Variants in DYM observed in about 807,000 individuals in gnomAD.
DYM encodes the protein dyggve-Melchior-Clausen syndrome protein.
DYM carries 78 observed loss-of-function variants against 93.1 expected under a neutral mutation model. The ratio of observed to expected loss-of-function variants is 0.84; its 90% CI spans 0.70 to 1.01. The LOEUF (loss-of-function observed/expected upper bound fraction) is 1.01, where lower values mean the gene tolerates loss of function less well. Ranked by LOEUF, DYM falls within the 50% of genes least tolerant of loss-of-function variation. The pLI, the probability that DYM is intolerant of heterozygous loss-of-function variation, is 0.00. For missense variants in DYM, 789 were observed against 845.0 expected, an observed-to-expected ratio of 0.93 and a Z score of 0.82; for synonymous variants, 321 against 319.7, an observed-to-expected ratio of 1.00 and a Z score of -0.04.
At chr18:49,399,409 A>G (rs774365160) in intron 2 of DYM, among the ~76,000 whole-genome samples, 6 of 152,194 alleles carry the variant, frequency 3.9e-5, no homozygotes, top group Non-Finnish European at 7.3e-5. Context: ...ACAAAGCTGG[A>G]AAAGTATTCT....
At chr18:49,323,322 T>C (rs1460845013) in intron 8 of DYM, among the ~76,000 whole-genome samples, 1 of 152,174 alleles carries the variant, frequency 6.6e-6, no homozygotes, top group East Asian at 1.9e-4. Context: ...AGCTGAAAGG[T>C]ACCTTAGATG....
At chr18:49,249,682 G>A (rs778555751) in intron 13 of DYM, among the ~76,000 whole-genome samples, 2 of 151,672 alleles carry the variant, frequency 1.3e-5, no homozygotes, top group African/African-American at 2.4e-5. Flanking sequence ...AAAAATGCTG[G>A]GTGATTAAAA....
chr18:49,338,717 G>C (rs1295136107), intron 6 of DYM, among the ~76,000 whole-genome samples: 2 of 152,096 alleles, frequency 1.3e-5, no homozygotes, highest in Non-Finnish European at 2.9e-5. Flanking sequence ...ATTTCATAAT[G>C]ACAGATCCCT....
chr18:49,215,732 A>C lies in DYM; in HGVS notation c.1461-6017T>G, dbSNP rs375983297. Among the ~76,000 whole-genome samples, 28 of 152,376 alleles carry C rather than the reference A, an allele frequency of 1.8e-4. No individual in the cohort carries two copies. The South Asian group carries it at 4.1e-3, about 23-fold the overall frequency. Reference sequence around the variant, plus strand: ...TGAAAACTAAAACAAATTTAATTGCATCTCAAGTGGTAATGAAACTACACA... The same window carrying C: ...TGAAAACTAAAACAAATTTAATTGCCTCTCAAGTGGTAATGAAACTACACA... On this transcript the variant is annotated intron_variant, in intron 13 of 17. Transcript: ENST00000675505.
At chr18:49,104,100 T>A (rs1374168965) in intron 16 of DYM, among the ~76,000 whole-genome samples, 2 of 152,190 alleles carry the variant, frequency 1.3e-5, no homozygotes, top group Non-Finnish European at 2.9e-5. Flanking sequence ...AGCAGTGGTT[T>A]GTAGTTCTCC....
intron 1 of DYM, among the ~76,000 whole-genome samples, chr18:49,443,914 T>C (rs2081887768): frequency 6.6e-6 from 1 of 152,190 alleles, no homozygotes; most frequent in Non-Finnish European, 1.5e-5. Context: ...ACTCTTTCCA[T>C]GAAAACAGTG....
At chr18:49,128,852 A>G (rs1201587040) in intron 15 of DYM, among the ~76,000 whole-genome samples, 1 of 152,142 alleles carries the variant, frequency 6.6e-6, no homozygotes, top group Admixed American at 6.6e-5. Context: ...TTTGTAAGTA[A>G]AAATGCACAA....
intron 16 of DYM, among the ~76,000 whole-genome samples, chr18:49,101,175 T>C (rs1281019734): frequency 1.3e-5 from 2 of 152,316 alleles, no homozygotes; most frequent in East Asian, 3.9e-4. Context: ...TTTATTCCTC[T>C]GAAAATCTCT....
intron 9 of DYM, among the ~76,000 whole-genome samples, chr18:49,285,736 C>T (rs1261074183): frequency 6.6e-6 from 1 of 152,234 alleles, no homozygotes; most frequent in African/African-American, 2.4e-5. Context: ...TTGAGCAGCA[C>T]TTGACTATAC....
intron 8 of DYM, among the ~76,000 whole-genome samples, chr18:49,310,451 G>A (rs924038546): frequency 2.6e-4 from 39 of 150,596 alleles, no homozygotes; most frequent in Non-Finnish European, 5.2e-4. Flanking sequence ...AGATGCCCCC[G>A]CATGTGTAAA....
At chr18:49,421,055 G>A (rs2073639164) in intron 2 of DYM, among the ~76,000 whole-genome samples, 1 of 152,190 alleles carries the variant, frequency 6.6e-6, no homozygotes, top group South Asian at 2.1e-4. Flanking sequence ...TGCCTCTGTA[G>A]ACTCCACCAA....
intron 1 of DYM, among the ~76,000 whole-genome samples, chr18:49,457,682 A>C (rs2083112598): frequency 6.6e-6 from 1 of 152,234 alleles, no homozygotes; most frequent in Non-Finnish European, 1.5e-5. Context: ...TAGCCTCCAA[A>C]GATGTCCACA....
intron 14 of DYM, among the ~76,000 whole-genome samples, chr18:49,203,582 C>T (rs2092279782): frequency 7.0e-6 from 1 of 143,292 alleles, no homozygotes; most frequent in Non-Finnish European, 1.5e-5. Flanking sequence ...GAAACATGTG[C>T]TGTGTCCACT....
intron 17 of DYM, among the ~76,000 whole-genome samples, chr18:49,081,397 A>G (rs11660544): frequency 0.43 from 64,542 of 151,096 alleles, 14,064 homozygotes; most frequent in Middle Eastern, 0.5. Context: ...GCAGGCACTC[A>G]GCAGGCTGAG....
chr18:49,332,586 T>C (rs2063387480), intron 7 of DYM, among the ~76,000 whole-genome samples: 1 of 152,228 alleles, frequency 6.6e-6, no homozygotes, highest in South Asian at 2.1e-4. Flanking sequence ...AATTATTCAA[T>C]TATTCAATTG....
chr18:49,255,206 A>G (rs1015766848), intron 13 of DYM, among the ~76,000 whole-genome samples: 5 of 152,246 alleles, frequency 3.3e-5, no homozygotes, highest in Non-Finnish European at 5.9e-5. Flanking sequence ...AGCATTTAAA[A>G]GTGATACGGA....
chr18:49,167,806 T>C (rs1157831697), intron 14 of DYM, among the ~76,000 whole-genome samples: 1 of 152,234 alleles, frequency 6.6e-6, no homozygotes, highest in East Asian at 1.9e-4. Flanking sequence ...CTAGAATACT[T>C]TTTTAAAATT....
chr18:49,373,715 C>T (rs939049436), intron 5 of DYM, among the ~76,000 whole-genome samples: 1 of 152,152 alleles, frequency 6.6e-6, no homozygotes, highest in East Asian at 1.9e-4. Flanking sequence ...ATGCCTCTGA[C>T]AATATCACGT....
chr18:49,157,710 G>T (rs999037200), intron 15 of DYM, among the ~76,000 whole-genome samples: 11 of 152,154 alleles, frequency 7.2e-5, no homozygotes. Context: ...CCATTCTGTA[G>T]ATTGTCTTTT....
Sources: gnomAD v4.1 joint callset for allele counts (sites outside exome capture counted in the v4.1 genomes callset) on GRCh38, gnomAD v4.1.1 for gene constraint, MANE v1.5 for transcripts, NCBI Gene and HGNC (gene_info 2026-07-23, HGNC 2026-07-21) for gene names.